Variants in SMYD3 observed in about 807,000 individuals in gnomAD.
The protein encoded by SMYD3 is histone-lysine N-methyltransferase SMYD3.
In SMYD3, 36 loss-of-function variants were observed where a neutral mutation model predicts 57.7. The observed-to-expected ratio is 0.62, with a 90% CI of 0.48 to 0.82. The LOEUF (loss-of-function observed/expected upper bound fraction) is 0.82, where lower values mean the gene tolerates loss of function less well. Among genes scored for constraint, SMYD3 ranks in the 40% least tolerant of loss-of-function variants. The probability of loss-of-function intolerance (pLI) is 0.00; values close to 1 mark genes in which losing one functional copy is unlikely to be tolerated. For synonymous variants in SMYD3, 211 were observed against 195.0 expected (o/e 1.08, Z -0.68); for missense variants, 515 against 538.8 (o/e 0.96, Z 0.44).
At chr1:246,312,852 A>G (rs1437872501) in intron 5 of SMYD3, among the ~76,000 whole-genome samples, 3 of 152,168 alleles carry the variant, frequency 2.0e-5, no homozygotes, top group Non-Finnish European at 4.4e-5. Flanking sequence ...CGAAGGTTAA[A>G]CACTATCACA....
intron 5 of SMYD3, among the ~76,000 whole-genome samples, chr1:246,149,867 C>G (rs2061914398): frequency 6.6e-6 from 1 of 152,196 alleles, no homozygotes; most frequent in South Asian, 2.1e-4. Flanking sequence ...AAAGATCACC[C>G]CTCTGTCTAC....
chr1:246,003,371 CTT>C (rs1040087201), intron 5 of SMYD3, among the ~76,000 whole-genome samples: 9 of 152,180 alleles, frequency 5.9e-5, no homozygotes, highest in East Asian at 1.9e-4. Context: ...TAATCAAACT[CTT>C]TTAGGACTAA....
chr1:245,825,505 C>T (rs1310727976), intron 10 of SMYD3, among the ~76,000 whole-genome samples: 10 of 152,046 alleles, frequency 6.6e-5, no homozygotes, highest in Admixed American at 2.6e-4. Flanking sequence ...ACTAGGTGGG[C>T]GGAGGGCTTC....
At chr1:245,955,332 C>G (rs191748673) in intron 5 of SMYD3, among the ~76,000 whole-genome samples, 4 of 152,250 alleles carry the variant, frequency 2.6e-5, no homozygotes, top group African/African-American at 9.6e-5. Context: ...CCTGCCTTGG[C>G]GTCCCAGAGT....
rs916836307 is a variant in SMYD3, at chr1:246,285,170, C to T, written c.531+42031G>A. On this transcript the variant is annotated intron_variant, in intron 5 of 11. Coordinates refer to ENST00000490107, the MANE Select transcript of SMYD3 (RefSeq NM_001167740.2). ...CCATTGTATTATTCTTATGCCTTTG[C>T]ACCCTCATAGCTTAGCTCTCACTTA... is the stretch of plus-strand genomic sequence containing the variant. 3.3e-5 allele frequency among the ~76,000 whole-genome samples: 5 copies of T among 152,258 alleles called. No homozygotes were observed. In the South Asian group the frequency reaches 8.3e-4, roughly 25 times the overall value.
intron 1 of SMYD3, among the ~76,000 whole-genome samples, chr1:246,437,872 T>G (rs1372041649): frequency 6.6e-6 from 1 of 152,216 alleles, no homozygotes; most frequent in South Asian, 2.1e-4. Flanking sequence ...ATACTGAGAA[T>G]TCAACCTAAT....
chr1:245,902,838 ATCTACATGAAAAAGTCAT>A (rs1203303176), intron 8 of SMYD3, among the ~76,000 whole-genome samples: 2 of 152,252 alleles, frequency 1.3e-5, no homozygotes. Flanking sequence ...CTGTAAATAT[ATCTACATGAAAAAGTCAT>A]TCTCTATGAA....
At chr1:246,016,481 G>A (rs1386161926) in intron 5 of SMYD3, among the ~76,000 whole-genome samples, 1 of 152,100 alleles carries the variant, frequency 6.6e-6, no homozygotes, top group East Asian at 1.9e-4. Context: ...TACTCGGGAG[G>A]CTGAGGCAGG....
intron 5 of SMYD3, among the ~76,000 whole-genome samples, chr1:246,183,132 G>A (rs1207899246): frequency 6.6e-6 from 1 of 152,104 alleles, no homozygotes; most frequent in Admixed American, 6.5e-5. Context: ...ACCAAGGACA[G>A]GTAGCTAAAG....
intron 5 of SMYD3, among the ~76,000 whole-genome samples, chr1:246,293,080 A>G (rs1249805839): frequency 2.0e-5 from 3 of 152,102 alleles, no homozygotes; most frequent in Non-Finnish European, 4.4e-5. Context: ...GTATGATGCT[A>G]TTCCATACAT....
rs1248965749 is a variant in SMYD3 at position 246,091,443 on chromosome 1, TAGAG to T, written c.532-161510_532-161507del. Reference sequence around the variant, plus strand: ...TTTCCACTCGGAAGACCCCTCTCTATAGAGAGAGAGCTGGTTTTCTTTATTCTTC... The same window carrying T: ...TTTCCACTCGGAAGACCCCTCTCTATAGAGAGCTGGTTTTCTTTATTCTTC... On this transcript the variant is annotated intron_variant, in intron 5 of 11. Coordinates refer to ENST00000490107, the MANE Select transcript of SMYD3 (RefSeq NM_001167740.2). Among the ~76,000 whole-genome samples, 9 of 148,260 alleles carry T rather than the reference TAGAG, an allele frequency of 6.1e-5. No homozygotes were observed. The East Asian group carries it at 1.8e-3, about 30-fold the overall frequency.
chr1:246,168,724 C>T lies in SMYD3; in HGVS notation c.531+158477G>A, dbSNP rs571061181. 2.6e-5 allele frequency among the ~76,000 whole-genome samples: 4 copies of T among 152,246 alleles called. No individual in the cohort carries two copies. In the East Asian group the frequency reaches 5.8e-4, roughly 22 times the overall value. On this transcript the variant is annotated intron_variant, in intron 5 of 11. Coordinates refer to ENST00000490107, the MANE Select transcript of SMYD3 (RefSeq NM_001167740.2). Reference sequence around the variant, plus strand: ...TCCTTTCTGCCCACACACAAAAATTCGTTGCACCCGGAGGAATCATGTCAA... The same window carrying T: ...TCCTTTCTGCCCACACACAAAAATTTGTTGCACCCGGAGGAATCATGTCAA...
At chr1:246,282,779 A>C (rs1013273573) in intron 5 of SMYD3, among the ~76,000 whole-genome samples, 4 of 152,234 alleles carry the variant, frequency 2.6e-5, no homozygotes, top group African/African-American at 9.6e-5. Context: ...GGGAAAAATG[A>C]TAAAAATTTA....
chr1:246,505,583 C>G (rs1023879119), intron 1 of SMYD3, among the ~76,000 whole-genome samples: 5 of 152,194 alleles, frequency 3.3e-5, no homozygotes, highest in African/African-American at 1.2e-4. Flanking sequence ...TCAGCCGATG[C>G]CCAGTCAAGT....
intron 5 of SMYD3, among the ~76,000 whole-genome samples, chr1:246,142,859 T>A (rs1221205067): frequency 6.6e-6 from 1 of 152,168 alleles, no homozygotes; most frequent in African/African-American, 2.4e-5. Context: ...ATGAAGCATG[T>A]TTAGTGTGAA....
At chr1:246,506,989 G>GCCCCC (rs1182642267) in intron 1 of SMYD3, 65 bp downstream of exon 1, 26 of 650,556 alleles carry the variant, frequency 4.0e-5, no homozygotes, top group Admixed American at 6.4e-5. Context: ...GCCGCCCGAC[G>GCCCCC]CCCCCCCCTC....
chr1:245,922,382 G>C (rs1248536522), intron 7 of SMYD3, among the ~76,000 whole-genome samples: 3 of 152,184 alleles, frequency 2.0e-5, no homozygotes, highest in Admixed American at 6.5e-5. Context: ...GTTAATTTAA[G>C]AATGGAAAAT....
chr1:246,384,818 G>C (rs749455034), intron 1 of SMYD3, among the ~76,000 whole-genome samples: 4 of 152,150 alleles, frequency 2.6e-5, no homozygotes, highest in Non-Finnish European at 5.9e-5. Context: ...CTCAGTAAAA[G>C]ACAACTAAGG....
At chr1:245,777,968 C>A (rs1328825897) in intron 10 of SMYD3, among the ~76,000 whole-genome samples, 1 of 151,986 alleles carries the variant, frequency 6.6e-6, no homozygotes. Flanking sequence ...CCTGCCCCCA[C>A]CCCCCAAAGA....
Sources: gnomAD v4.1 joint callset for allele counts (sites outside exome capture counted in the v4.1 genomes callset) on GRCh38, gnomAD v4.1.1 for gene constraint, MANE v1.5 for transcripts, NCBI Gene and HGNC (gene_info 2026-07-23, HGNC 2026-07-21) for gene names.